DLGAP4: variants seen among roughly 807,000 people sequenced by gnomAD.
The protein encoded by DLGAP4 is disks large-associated protein 4.
DLGAP4 carries 18 observed loss-of-function variants against 86.9 expected under a neutral mutation model. That is an observed-to-expected ratio of 0.21 (90% CI 0.14 to 0.31). The LOEUF is 0.31. Among genes scored for constraint, DLGAP4 ranks in the 10% least tolerant of loss-of-function variants. The pLI is 1.00. For synonymous variants in DLGAP4, 548 were observed against 574.3 expected, an observed-to-expected ratio of 0.95 and a Z score of 0.65; for missense variants, 1,085 against 1,362.6, an observed-to-expected ratio of 0.80 and a Z score of 3.21.
At chr20:36,476,148 CCTT>C (rs1234877786) in intron 7 of DLGAP4, among the ~76,000 whole-genome samples, 1 of 151,818 alleles carries the variant, frequency 6.6e-6, no homozygotes, top group Admixed American at 6.6e-5. Context: ...CGCGCCCGGC[CCTT>C]CTTAACCATT....
At chr20:36,389,950 C>T (rs913108449) in intron 2 of DLGAP4, among the ~76,000 whole-genome samples, 3 of 152,284 alleles carry the variant, frequency 2.0e-5, no homozygotes, top group Middle Eastern at 3.4e-3. Context: ...GGGGCCATGA[C>T]TGGTACTCTG....
chr20:36,451,406 A>G (rs2033732284), intron 7 of DLGAP4, among the ~76,000 whole-genome samples: 1 of 152,198 alleles, frequency 6.6e-6, no homozygotes, highest in Non-Finnish European at 1.5e-5. Context: ...GCTGGAGTGC[A>G]GTGGCGCGAT....
intron 10 of DLGAP4, among the ~76,000 whole-genome samples, chr20:36,507,154 GCT>G (rs561712089): frequency 6.6e-6 from 1 of 152,008 alleles, no homozygotes; most frequent in South Asian, 2.1e-4. Flanking sequence ...AAATTGCAAG[GCT>G]CTCTGATTAA....
intron 1 of DLGAP4, among the ~76,000 whole-genome samples, chr20:36,340,922 G>A (rs2065373477): frequency 1.3e-5 from 2 of 152,208 alleles, no homozygotes; most frequent in Non-Finnish European, 2.9e-5. Context: ...AGGGGACACA[G>A]CCAAGGTCAC....
chr20:36,374,940 A>G (rs1479482320), intron 2 of DLGAP4, among the ~76,000 whole-genome samples: 2 of 152,398 alleles, frequency 1.3e-5, no homozygotes, highest in Middle Eastern at 3.4e-3. Context: ...GATGTCTGCA[A>G]ACCCTGCTGG....
At chr20:36,396,600 G>T (rs979831169) in intron 2 of DLGAP4, among the ~76,000 whole-genome samples, 1 of 68,682 alleles carries the variant, frequency 1.5e-5, no homozygotes, top group Non-Finnish European at 2.9e-5. Flanking sequence ...ACACACACAC[G>T]CACGCATACA....
At chr20:36,387,122 A>AT (rs2031626525) in intron 2 of DLGAP4, among the ~76,000 whole-genome samples, 1 of 152,232 alleles carries the variant, frequency 6.6e-6, no homozygotes, top group Non-Finnish European at 1.5e-5. Flanking sequence ...CAAGGTAATT[A>AT]TGCCACTTTG....
At position 36,462,340 on chromosome 20, in the gene DLGAP4, T is replaced by C. The variant is rs993044236; in HGVS notation, c.1648+15403T>C. ...CTTCTCGGGATCGGGGTCCCCTGCT[T>C]TGCTCTCCCTGCCCCTCTGTGCCCC... On this transcript the variant is annotated intron_variant, in intron 7 of 12. Coordinates refer to ENST00000339266, the MANE Select transcript of DLGAP4 (RefSeq NM_001365621.2). The C allele has an allele frequency of 1.3e-5, 18 of 1,364,688 alleles. No homozygotes were observed. The African/African-American group carries it at 2.8e-4, about 21-fold the overall frequency. The allele number at this position is 1,364,688 out of a possible 1,614,324, so 84.5% of individuals were successfully genotyped here. A position where few individuals can be genotyped will look rare whatever the true frequency, so the allele number is the denominator to read the frequency against.
chr20:36,337,076 C>A (rs564836937), intron 1 of DLGAP4, among the ~76,000 whole-genome samples: 4 of 152,088 alleles, frequency 2.6e-5, no homozygotes, highest in Non-Finnish European at 5.9e-5. Flanking sequence ...CAGCTGCAGC[C>A]GCATTTCCCC....
At chr20:36,333,602 T>A (rs1195724263) in intron 1 of DLGAP4, among the ~76,000 whole-genome samples, 1 of 152,210 alleles carries the variant, frequency 6.6e-6, no homozygotes, top group Non-Finnish European at 1.5e-5. Flanking sequence ...TGCCCAAGGC[T>A]GCATAGCATG....
intron 7 of DLGAP4, among the ~76,000 whole-genome samples, chr20:36,478,925 G>A (rs931653573): frequency 6.6e-6 from 1 of 152,132 alleles, no homozygotes; most frequent in Admixed American, 6.5e-5. Context: ...TGGTGATTGG[G>A]CTACTGCAAT....
At chr20:36,366,036 AG>A (rs1202076895) in intron 1 of DLGAP4, among the ~76,000 whole-genome samples, 1 of 152,140 alleles carries the variant, frequency 6.6e-6, no homozygotes, top group East Asian at 1.9e-4. Context: ...GGCAGCCAAA[AG>A]GCTTCTGGGA....
chr20:36,457,773 C>A (rs2033916652), intron 7 of DLGAP4, among the ~76,000 whole-genome samples: 1 of 151,430 alleles, frequency 6.6e-6, no homozygotes, highest in African/African-American at 2.4e-5. Flanking sequence ...CCTTGGCCTC[C>A]CAAAGTGCTG....
intron 5 of DLGAP4, among the ~76,000 whole-genome samples, chr20:36,440,861 C>T (rs1305365181): frequency 2.6e-5 from 4 of 152,046 alleles, no homozygotes; most frequent in African/African-American, 4.8e-5. Context: ...TCAGCAGGAA[C>T]AGGCCACTGT....
chr20:36,344,449 G>A (rs2065416055), intron 1 of DLGAP4, among the ~76,000 whole-genome samples: 2 of 152,150 alleles, frequency 1.3e-5, no homozygotes, highest in South Asian at 4.1e-4. Flanking sequence ...TCTACCACAT[G>A]CCTCATCTGC....
chr20:36,379,562 A>G (rs1208347597), intron 2 of DLGAP4, among the ~76,000 whole-genome samples: 1 of 152,198 alleles, frequency 6.6e-6, no homozygotes, highest in Non-Finnish European at 1.5e-5. Context: ...GAGAGAAGAC[A>G]TCAGGGAAAC....
chr20:36,351,271 C>T (rs2030142781), intron 1 of DLGAP4, among the ~76,000 whole-genome samples: 3 of 152,208 alleles, frequency 2.0e-5, no homozygotes, highest in Admixed American at 2.0e-4. Context: ...AGAGGGGTCC[C>T]CAACCCTTGG....
At chr20:36,367,345 C>T (rs1422073103) in intron 2 of DLGAP4, 70 bp downstream of exon 2, 2 of 152,448 alleles carry the variant, frequency 1.3e-5, no homozygotes, top group Non-Finnish European at 2.9e-5. Flanking sequence ...GGGAAATGCC[C>T]AGCCTCACTT....
chr20:36,525,721 C>A, intron 11 of DLGAP4, 130 bp from the exon 12 acceptor site: 1 of 1,237,260 alleles, frequency 8.1e-7, no homozygotes, highest in Non-Finnish European at 1.1e-6. Context: ...AGATACTTAC[C>A]CAGACACTAG....
Sources: allele counts gnomAD v4.1 joint callset (sites outside exome capture counted in the v4.1 genomes callset), GRCh38; gene constraint gnomAD v4.1.1; transcripts MANE v1.5; gene names NCBI Gene and HGNC (gene_info 2026-07-23, HGNC 2026-07-21).